AFG2A: variants seen among roughly 807,000 people sequenced by gnomAD.
AFG2A encodes ATPase family gene 2 protein homolog A.
chr4:123,077,542 C>A, the AFG2A span, among the ~76,000 whole-genome samples: 3 of 152,132 alleles, frequency 2.0e-5, no homozygotes, highest in African/African-American at 7.2e-5. Flanking sequence ...CAGCAAGCAG[C>A]AAGAATATCT....
chr4:123,138,210 A>C, the AFG2A span, among the ~76,000 whole-genome samples: 1 of 152,178 alleles, frequency 6.6e-6, no homozygotes, highest in Non-Finnish European at 1.5e-5. Context: ...GTTGATATAG[A>C]TAAGAAAACT....
chr4:123,125,339 T>C, the AFG2A span, among the ~76,000 whole-genome samples: 1 of 152,192 alleles, frequency 6.6e-6, no homozygotes, highest in Non-Finnish European at 1.5e-5. Flanking sequence ...ATTAAGACCA[T>C]TTGCCATGAA....
the AFG2A span, among the ~76,000 whole-genome samples, chr4:123,193,742 G>T: frequency 6.6e-6 from 1 of 152,118 alleles, no homozygotes; most frequent in African/African-American, 2.4e-5. Context: ...ATAAAATACA[G>T]AATTTTATTT....
At chr4:123,156,049 T>C in the AFG2A span, among the ~76,000 whole-genome samples, 2 of 152,106 alleles carry the variant, frequency 1.3e-5, no homozygotes, top group Admixed American at 6.6e-5. Flanking sequence ...CTCAGGGAGC[T>C]TTTACTTACG....
chr4:123,075,598 G>A, the AFG2A span, among the ~76,000 whole-genome samples: 1 of 152,028 alleles, frequency 6.6e-6, no homozygotes, highest in African/African-American at 2.4e-5. Context: ...AACTAGATGA[G>A]TACATGTTAA....
chr4:122,938,170 C>T, the AFG2A span: 41 of 1,608,336 alleles, frequency 2.5e-5, no homozygotes, highest in East Asian at 9.0e-5. Flanking sequence ...GCACTTTGTC[C>T]GAAAAGAGAG....
At chr4:123,173,340 GTTTTTTTTTTTTTTTTTTTT>G in the AFG2A span, among the ~76,000 whole-genome samples, 6 of 70,270 alleles carry the variant, frequency 8.5e-5, no homozygotes, top group Non-Finnish European at 1.2e-4. Flanking sequence ...AAGTCCAATG[GTTTTTTTTTTTTTTTTTTTT>G]TTTTTTTTTT....
chr4:123,032,573 G>A, the AFG2A span, among the ~76,000 whole-genome samples: 48 of 152,148 alleles, frequency 3.2e-4, no homozygotes, highest in Middle Eastern at 3.4e-3. Flanking sequence ...CCACGACTAT[G>A]CCCGACTAAT....
At chr4:123,138,147 C>T in the AFG2A span, among the ~76,000 whole-genome samples, 5,599 of 152,094 alleles carry the variant, frequency 0.037, 343 homozygotes, top group African/African-American at 0.13. Flanking sequence ...TGGAAAATAA[C>T]GTTATGTCCA....
At chr4:123,119,796 A>G in the AFG2A span, among the ~76,000 whole-genome samples, 1 of 152,164 alleles carries the variant, frequency 6.6e-6, no homozygotes, top group East Asian at 1.9e-4. Context: ...GACATACCTG[A>G]GGCTGGGTAA....
At chr4:123,242,552 A>C in the AFG2A span, among the ~76,000 whole-genome samples, 1 of 152,216 alleles carries the variant, frequency 6.6e-6, no homozygotes, top group Non-Finnish European at 1.5e-5. Context: ...CCATATGCAG[A>C]AAGCTGAAAC....
At chr4:123,251,775 A>G in the AFG2A span, among the ~76,000 whole-genome samples, 2 of 152,138 alleles carry the variant, frequency 1.3e-5, no homozygotes, top group African/African-American at 4.8e-5. Context: ...GAATTCTTTG[A>G]TAAAATACAT....
chr4:123,208,048 CA>C, the AFG2A span, among the ~76,000 whole-genome samples: 1 of 152,134 alleles, frequency 6.6e-6, no homozygotes, highest in Middle Eastern at 3.2e-3. Context: ...TTACCATATT[CA>C]AAATAGTGTG....
At chr4:122,994,102 T>C in the AFG2A span, among the ~76,000 whole-genome samples, 1 of 152,142 alleles carries the variant, frequency 6.6e-6, no homozygotes, top group Non-Finnish European at 1.5e-5. Context: ...TCATCTTTCT[T>C]CTTTACCAAA....
the AFG2A span, among the ~76,000 whole-genome samples, chr4:123,161,867 G>A: frequency 1.3e-5 from 2 of 152,140 alleles, no homozygotes; most frequent in African/African-American, 4.8e-5. Flanking sequence ...ATAAAGAAAA[G>A]TGTCTCATTA....
At chr4:123,286,859 TAA>T in the AFG2A span, among the ~76,000 whole-genome samples, 1 of 145,006 alleles carries the variant, frequency 6.9e-6, no homozygotes, top group Non-Finnish European at 1.5e-5. Flanking sequence ...GAAAGGCCTT[TAA>T]AAAAAAAAAA....
chr4:123,310,066 A>C, the AFG2A span, among the ~76,000 whole-genome samples: 1 of 152,238 alleles, frequency 6.6e-6, no homozygotes, highest in Non-Finnish European at 1.5e-5. Context: ...TCTGTTTCCA[A>C]ATCTACCTTT....
the AFG2A span, among the ~76,000 whole-genome samples, chr4:123,263,324 T>G: frequency 4.7e-4 from 72 of 152,206 alleles, 1 homozygote; most frequent in Non-Finnish European, 1.5e-4. Context: ...TTTCAGCCCC[T>G]ATTTGCCCCC....
the AFG2A span, among the ~76,000 whole-genome samples, chr4:122,944,027 C>T: frequency 2.4e-4 from 37 of 152,154 alleles, no homozygotes; most frequent in Non-Finnish European, 4.9e-4. Flanking sequence ...ATGGGCTTCC[C>T]TTTGTGGGTA....
Sources: gnomAD v4.1 joint callset for allele counts (sites outside exome capture counted in the v4.1 genomes callset) on GRCh38, gnomAD v4.1.1 for gene constraint, MANE v1.5 for transcripts, NCBI Gene and HGNC (gene_info 2026-07-23, HGNC 2026-07-21) for gene names.